Variants in SYNDIG1 observed in about 807,000 individuals in gnomAD.
SYNDIG1 encodes the protein synapse differentiation inducing 1.
SYNDIG1 carries 9 observed loss-of-function variants against 19.4 expected under a neutral mutation model. The ratio of observed to expected loss-of-function variants is 0.46; its 90% CI spans 0.28 to 0.81. The LOEUF (loss-of-function observed/expected upper bound fraction) is 0.81, where lower values mean the gene tolerates loss of function less well. Among genes scored for constraint, SYNDIG1 ranks in the 30% least tolerant of loss-of-function variants. SYNDIG1 has a pLI of 0.12. For synonymous variants in SYNDIG1, 141 were observed against 145.9 expected (o/e 0.97, Z 0.24); for missense variants, 311 against 343.3 (o/e 0.91, Z 0.74).
In SYNDIG1 at chr20:24,657,656, G is replaced by A. The variant is rs563459542; in HGVS notation, c.619-7690G>A. Among the ~76,000 whole-genome samples the A allele has an allele frequency of 5.3e-5, 8 of 152,246 alleles. No individual in the cohort carries two copies. The East Asian group carries it at 1.5e-3, about 29-fold the overall frequency. ...GCCTAAATACATGCAGGCAACAAAC[G>A]TGTGTTGGGGGGTCTGCGTGTGAGA... On this transcript the variant is annotated intron_variant, in intron 3 of 3. Coordinates refer to ENST00000376862, the MANE Select transcript of SYNDIG1 (RefSeq NM_024893.3).
At chr20:24,489,746 A>C (rs996902406) in intron 1 of SYNDIG1, among the ~76,000 whole-genome samples, 6 of 152,244 alleles carry the variant, frequency 3.9e-5, no homozygotes, top group African/African-American at 1.4e-4. Flanking sequence ...TGCGGCATGG[A>C]GGGAGGAGGG....
rs113019255 is a variant in SYNDIG1, at chr20:24,663,195, G to A, written c.619-2151G>A. Among the ~76,000 whole-genome samples the A allele has an allele frequency of 3.3e-5, 5 of 152,308 alleles. 1 individual carries two copies. The highest frequency in any genetic ancestry group is 9.6e-5 in the African/African-American group (4 of 41,572). ...GCAGATGCCGAGTGACGTTGCTGAA[G>A]GCAGCCTGCTTGCTAAGGCTGCATC... On this transcript the variant is annotated intron_variant, in intron 3 of 3. Coordinates refer to ENST00000376862, the MANE Select transcript of SYNDIG1 (RefSeq NM_024893.3).
intron 3 of SYNDIG1, among the ~76,000 whole-genome samples, chr20:24,609,203 T>C (rs1173149108): frequency 6.6e-6 from 1 of 152,242 alleles, no homozygotes; most frequent in Non-Finnish European, 1.5e-5. Context: ...CTTGCCTCTT[T>C]GCTTAGCTTA....
chr20:24,508,739 CAATA>C (rs2056667897), intron 1 of SYNDIG1, among the ~76,000 whole-genome samples: 2 of 152,108 alleles, frequency 1.3e-5, no homozygotes, highest in Non-Finnish European at 1.5e-5. Context: ...GTTGGAAGAG[CAATA>C]AATATAGTTC....
At chr20:24,568,315 C>T (rs1040818597) in intron 2 of SYNDIG1, among the ~76,000 whole-genome samples, 4 of 152,146 alleles carry the variant, frequency 2.6e-5, no homozygotes, top group Non-Finnish European at 5.9e-5. Context: ...TTTCCCTTTC[C>T]CTTTCCTTTC....
chr20:24,588,499 A>G (rs903754354), intron 3 of SYNDIG1, among the ~76,000 whole-genome samples: 1 of 152,146 alleles, frequency 6.6e-6, no homozygotes, highest in South Asian at 2.1e-4. Context: ...AGAAATGCAC[A>G]CTGTCTGGTC....
chr20:24,557,048 C>A (rs528953186), intron 2 of SYNDIG1, among the ~76,000 whole-genome samples: 35 of 152,254 alleles, frequency 2.3e-4, no homozygotes, highest in African/African-American at 7.0e-4. Flanking sequence ...CACTTCATTT[C>A]ATTCATTTCA....
At chr20:24,554,339 T>C (rs1175960301) in intron 2 of SYNDIG1, among the ~76,000 whole-genome samples, 1 of 152,236 alleles carries the variant, frequency 6.6e-6, no homozygotes, top group African/African-American at 2.4e-5. Flanking sequence ...CTTCCAACAC[T>C]ATGTTGAATA....
At chr20:24,500,526 CTTTCTTCTTTCTTTCTTTCTTTCTTT>C (rs2056426227) in intron 1 of SYNDIG1, among the ~76,000 whole-genome samples, 2 of 135,726 alleles carry the variant, frequency 1.5e-5, no homozygotes, top group Non-Finnish European at 3.2e-5. Flanking sequence ...TTCTTTCTTT[CTTTCTTCTTTCTTTCTTTCTTTCTTT>C]TTTCTTTCTC....
rs180685582 is a variant in SYNDIG1, at chr20:24,470,270, T to C, written c.-79+517T>C. Among the ~76,000 whole-genome samples the C allele has an allele frequency of 2.0e-4, 30 of 152,304 alleles. No homozygotes were observed. The East Asian group carries it at 5.8e-3, about 30-fold the overall frequency. On this transcript the variant is annotated intron_variant, in intron 1 of 3. Transcript: ENST00000376862. ...GGCCACGGAGCTGGGGACCTAGGTC[T>C]GTTTGGGAGTAGGAAGGGAAACAGA...
intron 1 of SYNDIG1, among the ~76,000 whole-genome samples, chr20:24,489,830 T>G (rs1307082432): frequency 6.6e-6 from 1 of 152,186 alleles, no homozygotes; most frequent in African/African-American, 2.4e-5. Flanking sequence ...GAGCAGCAAG[T>G]CAAGAACCAG....
intron 1 of SYNDIG1, among the ~76,000 whole-genome samples, chr20:24,473,392 G>A (rs557179159): frequency 2.6e-5 from 4 of 152,146 alleles, no homozygotes; most frequent in East Asian, 3.8e-4. Flanking sequence ...CTCTAACCAC[G>A]TCACCAGAAT....
intron 1 of SYNDIG1, among the ~76,000 whole-genome samples, chr20:24,470,845 C>G (rs768794166): frequency 2.0e-5 from 3 of 152,090 alleles, no homozygotes; most frequent in Non-Finnish European, 4.4e-5. Context: ...AGTCCTCCTG[C>G]GACGTCAGAT....
intron 3 of SYNDIG1, among the ~76,000 whole-genome samples, chr20:24,629,955 T>G (rs1438996994): frequency 2.0e-5 from 3 of 152,054 alleles, no homozygotes; most frequent in Non-Finnish European, 4.4e-5. Flanking sequence ...CTCAGGATAT[T>G]CTATACTTTG....
intron 1 of SYNDIG1, among the ~76,000 whole-genome samples, chr20:24,480,674 C>G (rs540435666): frequency 6.6e-6 from 1 of 152,296 alleles, no homozygotes; most frequent in South Asian, 2.1e-4. Context: ...TATGCACATG[C>G]CCATTTTGAT....
intron 2 of SYNDIG1, among the ~76,000 whole-genome samples, chr20:24,550,325 C>T (rs544177249): frequency 4.0e-5 from 6 of 150,350 alleles, no homozygotes; most frequent in Admixed American, 6.6e-5. Flanking sequence ...ATACTGATTT[C>T]GTTTCCTTTG....
intron 1 of SYNDIG1, among the ~76,000 whole-genome samples, chr20:24,517,309 AAAT>A (rs1231959351): frequency 5.3e-4 from 79 of 149,184 alleles, no homozygotes; most frequent in Admixed American, 1.9e-3. Flanking sequence ...ATAAAAAAAA[AAAT>A]AAATAAATAA....
At chr20:24,556,745 C>T (rs2057828514) in intron 2 of SYNDIG1, among the ~76,000 whole-genome samples, 1 of 152,136 alleles carries the variant, frequency 6.6e-6, no homozygotes, top group Admixed American at 6.5e-5. Flanking sequence ...AACATTTTTT[C>T]CTTCATTTCA....
intron 3 of SYNDIG1, among the ~76,000 whole-genome samples, chr20:24,602,279 T>A (rs150808941): frequency 9.8e-5 from 15 of 152,364 alleles, no homozygotes; most frequent in South Asian, 2.1e-4. Flanking sequence ...CATAGTAATA[T>A]TTTGAAGATG....
Sources: gnomAD v4.1 joint callset for allele counts (sites outside exome capture counted in the v4.1 genomes callset) on GRCh38, gnomAD v4.1.1 for gene constraint, MANE v1.5 for transcripts, NCBI Gene and HGNC (gene_info 2026-07-23, HGNC 2026-07-21) for gene names.